Variants in LOXL2 observed in about 807,000 individuals in gnomAD.
LOXL2 encodes the protein lysyl oxidase homolog 2.
In LOXL2, 70 loss-of-function variants were observed where a neutral mutation model predicts 93.0. That is an observed-to-expected ratio of 0.75 (90% CI 0.62 to 0.92). The LOEUF (loss-of-function observed/expected upper bound fraction) is 0.92. Ranked by LOEUF, LOXL2 falls within the 40% of genes least tolerant of loss-of-function variation. The pLI is 0.00. For synonymous variants in LOXL2, 438 were observed against 413.2 expected (o/e 1.06, Z -0.73); for missense variants, 973 against 1,054.9 (o/e 0.92, Z 1.08).
intron 1 of LOXL2, among the ~76,000 whole-genome samples, chr8:23,397,358 T>C (rs550757113): frequency 6.6e-6 from 1 of 152,340 alleles, no homozygotes; most frequent in South Asian, 2.1e-4. Flanking sequence ...TGGTGAGTTT[T>C]ATGTTACGTA....
Position 23,320,109 on chromosome 8 carries a change from A to C in LOXL2, c.1303-57T>G, listed in dbSNP as rs1367421574. Reference sequence around the variant, plus strand: ...AGAGGGACAAGGGAGCTTCCCCCCTACGCTGCCATCAGCCCCAGTGTCCTG... The same window carrying C: ...AGAGGGACAAGGGAGCTTCCCCCCTCCGCTGCCATCAGCCCCAGTGTCCTG... On this transcript the variant is annotated intron_variant, in intron 7 of 13. Coordinates refer to ENST00000389131, the MANE Select transcript of LOXL2 (RefSeq NM_002318.3). 63 of 1,554,790 alleles carry C rather than the reference A, an allele frequency of 4.1e-5. No homozygotes were observed. The South Asian group carries it at 6.5e-4, about 16-fold the overall frequency.
intron 10 of LOXL2, 49 bp downstream of exon 10, chr8:23,309,619 A>G: frequency 7.3e-7 from 1 of 1,371,544 alleles, no homozygotes; most frequent in South Asian, 1.8e-5. Flanking sequence ...TGAGGCCTGC[A>G]GGATGTCCGC....
chr8:23,339,901 C>A (rs566804338), intron 4 of LOXL2, among the ~76,000 whole-genome samples: 4 of 152,262 alleles, frequency 2.6e-5, no homozygotes, highest in African/African-American at 9.6e-5. Context: ...TTATGGCCCA[C>A]CCCGTCCAGG....
intron 4 of LOXL2, among the ~76,000 whole-genome samples, chr8:23,340,498 T>C (rs1422406168): frequency 4.6e-5 from 7 of 152,206 alleles, no homozygotes; most frequent in Non-Finnish European, 8.8e-5. Context: ...TTAACTGGGA[T>C]TGGATGAAGT....
chr8:23,324,894 A>T (rs976160934), intron 6 of LOXL2, among the ~76,000 whole-genome samples: 1 of 152,232 alleles, frequency 6.6e-6, no homozygotes, highest in Admixed American at 6.5e-5. Context: ...TTGTTTAGAA[A>T]ACCTTTGCTG....
At chr8:23,369,297 T>C (rs777401718) in intron 1 of LOXL2, among the ~76,000 whole-genome samples, 50 of 152,152 alleles carry the variant, frequency 3.3e-4, no homozygotes, top group South Asian at 6.2e-4. Context: ...CCGAGTGAAA[T>C]CATGTAGCAA....
intron 10 of LOXL2, among the ~76,000 whole-genome samples, chr8:23,304,470 T>C (rs3808524): frequency 0.5 from 75,493 of 151,772 alleles, 19,222 homozygotes; most frequent in East Asian, 0.84. Flanking sequence ...CTATTCTATA[T>C]GCTTGTCTCT....
At chr8:23,396,221 G>C (rs535054661) in intron 1 of LOXL2, among the ~76,000 whole-genome samples, 1 of 152,074 alleles carries the variant, frequency 6.6e-6, no homozygotes, top group Non-Finnish European at 1.5e-5. Flanking sequence ...GGGAGGCTGA[G>C]GCAAGAGAAT....
At chr8:23,343,808 G>C (rs900771964) in intron 3 of LOXL2, among the ~76,000 whole-genome samples, 1 of 152,204 alleles carries the variant, frequency 6.6e-6, no homozygotes, top group Non-Finnish European at 1.5e-5. Context: ...CACGTGGACA[G>C]GGGTGAGCCA....
chr8:23,305,769 GAC>G (rs1803220280), intron 10 of LOXL2, among the ~76,000 whole-genome samples: 1 of 152,024 alleles, frequency 6.6e-6, no homozygotes. Context: ...GACAAAAGAA[GAC>G]ACAGCCTTCT....
At chr8:23,370,010 GCA>G (rs889766228) in intron 1 of LOXL2, among the ~76,000 whole-genome samples, 2 of 152,106 alleles carry the variant, frequency 1.3e-5, no homozygotes, top group African/African-American at 2.4e-5. Context: ...TGCCAGAGTT[GCA>G]CAGTTACTGC....
intron 3 of LOXL2, among the ~76,000 whole-genome samples, chr8:23,349,368 T>C (rs4436135): frequency 0.3 from 46,342 of 152,018 alleles, 9,258 homozygotes; most frequent in African/African-American, 0.57. Context: ...CTTCTTTCTA[T>C]CTATCAGAAT....
At chr8:23,351,796 T>G (rs968355409) in intron 3 of LOXL2, among the ~76,000 whole-genome samples, 2 of 152,192 alleles carry the variant, frequency 1.3e-5, no homozygotes, top group Non-Finnish European at 2.9e-5. Flanking sequence ...TGGCTACATA[T>G]AGACTCTTAG....
chr8:23,305,043 C>T lies in LOXL2; in HGVS notation c.1881-1646G>A, dbSNP rs147686447. On this transcript the variant is annotated intron_variant, in intron 10 of 13. Transcript: ENST00000389131. ...CGCTAAGCCCGGGTTCCACTGAGAACATTCACAAGGAGGCATTTTGTGGCC... is the reference window on the plus strand; with the variant it reads ...CGCTAAGCCCGGGTTCCACTGAGAATATTCACAAGGAGGCATTTTGTGGCC... 3.0e-3 allele frequency among the ~76,000 whole-genome samples: 462 copies of T among 152,298 alleles called. 1 individual carries two copies. Among genetic ancestry groups the T allele is most frequent in the African/African-American group, 0.011 (437 of 41,560 alleles).
intron 3 of LOXL2, among the ~76,000 whole-genome samples, chr8:23,344,097 G>A (rs1368964075): frequency 6.6e-6 from 1 of 152,230 alleles, no homozygotes; most frequent in Non-Finnish European, 1.5e-5. Context: ...CCTGGCTGGA[G>A]GAGCTCAGCA....
intron 2 of LOXL2, chr8:23,365,766 C>T (rs1804390851): frequency 1.3e-5 from 2 of 152,492 alleles, no homozygotes; most frequent in South Asian, 2.1e-4. Flanking sequence ...CTGCTCTGCA[C>T]CCACACACAG....
chr8:23,396,269 A>G (rs1051687458), intron 1 of LOXL2, among the ~76,000 whole-genome samples: 4 of 152,076 alleles, frequency 2.6e-5, no homozygotes, highest in Non-Finnish European at 5.9e-5. Context: ...GGTCAGCCAA[A>G]TCGTGCCATT....
intron 12 of LOXL2, among the ~76,000 whole-genome samples, chr8:23,299,893 C>T (rs976988117): frequency 2.0e-5 from 3 of 152,368 alleles, no homozygotes; most frequent in South Asian, 2.1e-4. Context: ...GCCTGGCAGC[C>T]GGCCCTCTGC....
In LOXL2 at chr8:23,343,014, G is replaced by C. The variant is rs369041452; in HGVS notation, c.532-1811C>G. 1.8e-4 allele frequency among the ~76,000 whole-genome samples: 28 copies of C among 152,304 alleles called. No individual in the cohort carries two copies. In the East Asian group the frequency reaches 3.7e-3, roughly 20 times the overall value. On this transcript the variant is annotated intron_variant, in intron 3 of 13. Coordinates refer to ENST00000389131, the MANE Select transcript of LOXL2 (RefSeq NM_002318.3). ...CATCCTCCCACCTCAGCCTCCCAAA[G>C]TGCTGGAATTACAGGTATGAGGCAC...
Sources: allele counts gnomAD v4.1 joint callset (sites outside exome capture counted in the v4.1 genomes callset), GRCh38; gene constraint gnomAD v4.1.1; transcripts MANE v1.5; gene names NCBI Gene and HGNC (gene_info 2026-07-23, HGNC 2026-07-21).